The following MFGE8 variants were observed in gnomAD, a reference collection of about 807,000 sequenced individuals.
MFGE8 encodes lactadherin.
Under a neutral mutation model 42.6 loss-of-function variants are expected in MFGE8, and 34 were observed. That is an observed-to-expected ratio of 0.80 (90% CI 0.61 to 1.06). MFGE8 has a LOEUF of 1.06. Among genes scored for constraint, MFGE8 ranks in the 50% least tolerant of loss-of-function variants. MFGE8 has a pLI of 0.00. For missense variants in MFGE8, 510 were observed against 516.9 expected (o/e 0.99, Z 0.13); for synonymous variants, 230 against 214.8 (o/e 1.07, Z -0.62).
At chr15:88,911,409 T>G (rs1234169164) in intron 1 of MFGE8, among the ~76,000 whole-genome samples, 1 of 152,076 alleles carries the variant, frequency 6.6e-6, no homozygotes, top group Admixed American at 6.5e-5. Context: ...AATCTGTCAT[T>G]TGGAGCAAGA....
At position 88,901,859 on chromosome 15, in the gene MFGE8, C is replaced by A. The variant is rs1370888416; in HGVS notation, c.686-124G>T. 3.2e-6 allele frequency: 3 copies of A among 948,342 alleles called. No homozygotes were observed. The East Asian group carries it at 7.8e-5, about 25-fold the overall frequency. The allele number at this position is 948,342 out of a possible 1,614,324, so 58.7% of individuals were successfully genotyped here. ...CAGCCCCTGTCATGCTCTTGGGCAACAGAAAGCAGCTCCATCCGCCTTGCA... is the reference window on the plus strand; with the variant it reads ...CAGCCCCTGTCATGCTCTTGGGCAAAAGAAAGCAGCTCCATCCGCCTTGCA... On this transcript the variant is annotated intron_variant, in intron 5 of 7. Transcript: ENST00000268150.
At chr15:88,911,840 GCAA>G (rs1898972938) in intron 1 of MFGE8, among the ~76,000 whole-genome samples, 1 of 152,120 alleles carries the variant, frequency 6.6e-6, no homozygotes, top group Non-Finnish European at 1.5e-5. Context: ...TCCAGGGAAG[GCAA>G]CAACACCATT....
At chr15:88,910,892 G>T (rs113641628) in intron 1 of MFGE8, 1 of 152,106 alleles carries the variant, frequency 6.6e-6, no homozygotes, top group Admixed American at 6.5e-5. Flanking sequence ...TGTCCACCAG[G>T]GGGGAGAAAA....
Position 88,899,026 on chromosome 15 carries a change from T to C in MFGE8, c.*369A>G. The C allele has an allele frequency of 3.0e-6, 1 of 330,680 alleles. No individual in the cohort carries two copies. The highest frequency in any genetic ancestry group is 3.1e-5 in the South Asian group (1 of 32,054). The allele number at this position is 330,680 out of a possible 1,614,324, so 20.5% of individuals were successfully genotyped here. ...TCTTGAGGCCACCATGGGAATGTGATGTGTGAGAGAGGGGCTAGGAGAGAC... is the reference window on the plus strand; with the variant it reads ...TCTTGAGGCCACCATGGGAATGTGACGTGTGAGAGAGGGGCTAGGAGAGAC... On this transcript the variant is annotated 3_prime_UTR_variant, in exon 8 of 8. Coordinates refer to ENST00000268150, the MANE Select transcript of MFGE8 (RefSeq NM_005928.4). The surrounding 1 kb of genome is among the most constrained non-coding windows in gnomAD (Gnocchi z 6.8).
At position 88,907,195 on chromosome 15, in the gene MFGE8, C is replaced by G; in HGVS notation, c.387G>C (p.Gln129His). Reference protein sequence around the residue: ...PSSNDDNPWIQVNLLRRMWVT... With the variant: ...PSSNDDNPWIHVNLLRRMWVT... Reference sequence around the variant, plus strand: ...GCCCCAGGGCCATCCCCAGGCATACCTGGATCCAGGGGTTATCGTCATTGC... The same window carrying G: ...GCCCCAGGGCCATCCCCAGGCATACGTGGATCCAGGGGTTATCGTCATTGC... The change falls in exon 3 of 8, where the codon CAG (glutamine) becomes CAC (histidine). Residue 129 changes from glutamine to histidine, a missense_variant and splice_region_variant. Physicochemically the swap from Gln to His is conservative, Grantham distance 24. Transcript: ENST00000268150. The G allele has an allele frequency of 6.2e-7, 1 of 1,612,934 alleles. No individual in the cohort carries two copies. The highest frequency in any genetic ancestry group is 8.5e-7 in the Non-Finnish European group (1 of 1,179,534).
intron 1 of MFGE8, chr15:88,912,648 A>G: frequency 1.0e-6 from 1 of 985,226 alleles, no homozygotes; most frequent in South Asian, 4.7e-5. Flanking sequence ...GGGAGTCAGG[A>G]GACTCCCATC....
rs1898628596 is a variant in MFGE8, at chr15:88,905,536, C to T, written c.685+221G>A. 1.4e-6 allele frequency: 1 copy of T among 702,668 alleles called. No homozygotes were observed. Among genetic ancestry groups the T allele is most frequent in the Admixed American group, 2.0e-5 (1 of 49,776 alleles). The allele number at this position is 702,668 out of a possible 1,614,324, so 43.5% of individuals were successfully genotyped here. ...TGAAAACTGATGTCTTTTTCTCTATCAATCAGAATGCCCTGGGTCATGGGT... is the reference window on the plus strand; with the variant it reads ...TGAAAACTGATGTCTTTTTCTCTATTAATCAGAATGCCCTGGGTCATGGGT... On this transcript the variant is annotated intron_variant, in intron 5 of 7. Coordinates refer to ENST00000268150, the MANE Select transcript of MFGE8 (RefSeq NM_005928.4). The surrounding 1 kb of genome is among the most constrained non-coding windows in gnomAD (Gnocchi z 6.6).
Position 88,913,065 on chromosome 15 carries a change from A to G in MFGE8, c.73+182T>C, listed in dbSNP as rs531817112. 5.5e-4 allele frequency: 538 copies of G among 985,336 alleles called. 1 individual carries two copies. The East Asian group carries it at 9.1e-3, about 17-fold the overall frequency. 61.0% of individuals were successfully genotyped at this position (985,336 alleles called of 1,614,324 possible). ...AGCCCAAAAGCCCCAGCGCAGAGAC[A>G]GCAGGGCCGCATCCCCCTGTCCCGC... On this transcript the variant is annotated intron_variant, in intron 1 of 7. Transcript: ENST00000268150.
chr15:88,912,503 C>T, intron 1 of MFGE8: 1 of 985,428 alleles, frequency 1.0e-6, no homozygotes, highest in Non-Finnish European at 1.2e-6. Context: ...TGACTCCCTC[C>T]CAGCGCTCCA....
chr15:88,909,058 T>G (rs1727492789), intron 2 of MFGE8, among the ~76,000 whole-genome samples: 1 of 152,230 alleles, frequency 6.6e-6, no homozygotes, highest in African/African-American at 2.4e-5. Flanking sequence ...GGCCCACATG[T>G]GGGCAACCCG....
intron 6 of MFGE8, 34 bp downstream of exon 6, chr15:88,901,517 A>ACCCAAAAAGCAGACC: frequency 9.3e-7 from 1 of 1,072,614 alleles, no homozygotes. Flanking sequence ...ATCCCACCCA[A>ACCCAAAAAGCAGACC]CCCCAGCCCC....
intron 2 of MFGE8, among the ~76,000 whole-genome samples, chr15:88,907,903 G>A (rs1898775461): frequency 6.6e-6 from 1 of 152,066 alleles, no homozygotes; most frequent in South Asian, 2.1e-4. Flanking sequence ...TTGGGAGAAG[G>A]GCTACCTCGG....
chr15:88,912,842 C>CA lies in MFGE8; in HGVS notation c.73+404dup, dbSNP rs761181250. The CA allele has an allele frequency of 1.2e-5, 12 of 985,306 alleles. No individual in the cohort carries two copies. The East Asian group carries it at 7.9e-4, about 65-fold the overall frequency. 61.0% of individuals were successfully genotyped at this position (985,306 alleles called of 1,614,324 possible). ...GGAGTTGGCAGGGAGATGGCCAGGA[C>CA]AAAGTTATCCAGACAAGACTTATCC... On this transcript the variant is annotated intron_variant, in intron 1 of 7. Transcript: ENST00000268150.
At chr15:88,909,533 G>A (rs1000071544) in intron 2 of MFGE8, among the ~76,000 whole-genome samples, 3 of 152,218 alleles carry the variant, frequency 2.0e-5, no homozygotes, top group Non-Finnish European at 4.4e-5. Context: ...TCACTCCTCT[G>A]CATCAGCATC....
Position 88,906,362 on chromosome 15 carries a change from T to C in MFGE8, c.540+264A>G, listed in dbSNP as rs1457341669. 3.2e-5 allele frequency: 16 copies of C among 506,664 alleles called. No homozygotes were observed. Among genetic ancestry groups the C allele is most frequent in the South Asian group, 3.0e-4 (15 of 50,126 alleles). 31.4% of individuals were successfully genotyped at this position (506,664 alleles called of 1,614,324 possible). On this transcript the variant is annotated intron_variant, in intron 4 of 7. Coordinates refer to ENST00000268150, the MANE Select transcript of MFGE8 (RefSeq NM_005928.4). The surrounding 1 kb of genome is among the most constrained non-coding windows in gnomAD (Gnocchi z 4.2). ...ATGAAGGCTCAGAATGAAACCCAGCTCCACCACCACTATCACCCTCAACAG... is the reference window on the plus strand; with the variant it reads ...ATGAAGGCTCAGAATGAAACCCAGCCCCACCACCACTATCACCCTCAACAG...
At position 88,906,637 on chromosome 15, in the gene MFGE8, T is replaced by C. The variant is rs1187467545; in HGVS notation, c.529A>G (p.Lys177Glu). The change falls in exon 4 of 8, where the codon AAA (lysine) becomes GAA (glutamate). Residue 177 changes from lysine to glutamate, a missense_variant. By Grantham distance (56) the Lys-to-Glu change is moderately conservative. Coordinates refer to ENST00000268150, the MANE Select transcript of MFGE8 (RefSeq NM_005928.4). The surrounding 1 kb of genome is among the most constrained non-coding windows in gnomAD (Gnocchi z 4.2). ...HEFDFIHDVNKKHKEFVGNWN... is the reference protein window; with the variant it reads ...HEFDFIHDVNEKHKEFVGNWN... ...CCAACAAGACCTACCTTGTGTTTTTTATTAACATCATGGATGAAATCGAAT... is the reference window on the plus strand; with the variant it reads ...CCAACAAGACCTACCTTGTGTTTTTCATTAACATCATGGATGAAATCGAAT... The C allele has an allele frequency of 6.2e-7, 1 of 1,614,058 alleles. No homozygotes were observed. The highest frequency in any genetic ancestry group is 1.1e-5 in the South Asian group (1 of 91,066).
intron 5 of MFGE8, chr15:88,904,194 C>A (rs1898560975): frequency 6.6e-6 from 1 of 152,268 alleles, no homozygotes; most frequent in African/African-American, 2.4e-5. Flanking sequence ...GTCAAGGAAT[C>A]ATTCCCTAGA....
chr15:88,901,479 G>A, intron 6 of MFGE8, 72 bp downstream of exon 6: 11 of 1,459,086 alleles, frequency 7.5e-6, no homozygotes, highest in Admixed American at 5.1e-5. Flanking sequence ...GGGCTGGAGA[G>A]AGGTCAAAGA....
Position 88,902,225 on chromosome 15 carries a change from A to G in MFGE8, c.686-490T>C, listed in dbSNP as rs1428157096. 6.4e-6 allele frequency: 1 copy of G among 155,156 alleles called. No individual in the cohort carries two copies. The allele number at this position is 155,156 out of a possible 1,614,324, so 9.6% of individuals were successfully genotyped here. On this transcript the variant is annotated intron_variant, in intron 5 of 7. Coordinates refer to ENST00000268150, the MANE Select transcript of MFGE8 (RefSeq NM_005928.4). The surrounding 1 kb of genome is among the most constrained non-coding windows in gnomAD (Gnocchi z 4.3). ...TGTTTATTCAGTGCTTACTTCAGTC[A>G]TTTAACCTGCCACCAAAAAAAAAAA...
Sources: gnomAD v4.1 joint callset for allele counts (sites outside exome capture counted in the v4.1 genomes callset) on GRCh38, gnomAD v4.1.1 for gene constraint, Gnocchi (gnomAD v3.1) non-coding constraint, MANE v1.5 for transcripts, NCBI Gene and HGNC (gene_info 2026-07-23, HGNC 2026-07-21) for gene names.